The following USP54 variants were observed in gnomAD, a reference collection of about 807,000 sequenced individuals.
USP54 encodes ubiquitin specific peptidase 54, also known as ubiquitin carboxyl-terminal hydrolase 54.
A neutral mutation model predicts 170.5 loss-of-function variants in USP54; 87 were observed. The observed-to-expected ratio is 0.51, with a 90% confidence interval of 0.43 to 0.61. USP54 has a LOEUF of 0.61. Among genes scored for constraint, USP54 ranks in the 20% least tolerant of loss-of-function variants. The pLI is 0.00. For synonymous variants in USP54, 655 were observed against 742.8 expected, an observed-to-expected ratio of 0.88 and a Z score of 1.92; for missense variants, 1,786 against 2,047.8, an observed-to-expected ratio of 0.87 and a Z score of 2.47.
At chr10:73,592,791 G>C (rs1165299494), upstream of USP54, among the ~76,000 whole-genome samples, 3 of 152,154 alleles carry the variant, frequency 2.0e-5, no homozygotes, top group African/African-American at 7.2e-5. Context: ...TCTCATCCAG[G>C]TAAGGGAAGT....
intron 20 of USP54, 28 bp downstream of exon 20, chr10:73,516,347 T>A: frequency 1.9e-5 from 29 of 1,517,264 alleles, no homozygotes; most frequent in African/African-American, 2.8e-5. Flanking sequence ...TCCTCCCCCC[T>A]CCCCCCAACC....
chr10:73,564,119 A>C (rs2073761181), intron 4 of USP54, among the ~76,000 whole-genome samples: 1 of 152,080 alleles, frequency 6.6e-6, no homozygotes, highest in Admixed American at 6.6e-5. Flanking sequence ...CTCCTGCCTC[A>C]GCCTCCCAAG....
At position 73,519,966 on chromosome 10, in the gene USP54, C is replaced by T; in HGVS notation, c.2509G>A (p.Ala837Thr). 6.2e-7 allele frequency: 1 copy of T among 1,611,412 alleles called. No individual in the cohort carries two copies. The highest frequency in any genetic ancestry group is 8.5e-7 in the Non-Finnish European group (1 of 1,178,796). Reference protein sequence around the residue: ...ISKLRLALHGASCSTHSRALV... With the variant: ...ISKLRLALHGTSCSTHSRALV... ...GCTCTGCTGTGCGTGCTACAGCTGG[C>T]ACCATGCAGGGCAAGTCTTAGTTTA... is the stretch of plus-strand genomic sequence containing the variant. The change falls in exon 19 of 24, where the codon GCC (alanine) becomes ACC (threonine). Residue 837 changes from alanine to threonine, a missense_variant. This residue lies in a region of USP54 where 1,418 missense variants were observed against 1,569.0 expected (regional missense o/e 0.90). Transcript: ENST00000687698.
intron 20 of USP54, chr10:73,506,316 T>G (rs1033905665): frequency 6.6e-6 from 1 of 152,240 alleles, no homozygotes; most frequent in Non-Finnish European, 1.5e-5. Flanking sequence ...TTAGCTTCTC[T>G]CAAATCATTT....
chr10:73,591,425 A>G (rs1039422774), upstream of USP54: 3 of 152,238 alleles, frequency 2.0e-5, no homozygotes, highest in Non-Finnish European at 4.4e-5. Context: ...AGCTAGCAAC[A>G]ATGAGAAACT....
rs201061061 is a variant in USP54 at position 73,614,741 on chromosome 10, TATAAAG to T, written c.-18+10820_-18+10825del. 2.7e-5 allele frequency among the ~76,000 whole-genome samples: 4 copies of T among 149,824 alleles called. No homozygotes were observed. In the East Asian group the frequency reaches 5.8e-4, roughly 22 times the overall value. On this transcript the variant is annotated intron_variant, in intron 1 of 22. Coordinates refer to the USP54 transcript ENST00000339859. ...GAGAAAAAGAGTACCTCCAAAAACA[TATAAAG>T]ATAAATTCCAAATCAGTTAAAGAGT... is the stretch of plus-strand genomic sequence containing the variant.
rs766382599 is a variant in USP54 at position 73,498,661 on chromosome 10, T to TGATCTGCTCTCTTCTGGGAG, written c.5003_5022dup (p.Arg1675LeufsTer32). 3 of 1,572,622 alleles carry TGATCTGCTCTCTTCTGGGAG rather than the reference T, an allele frequency of 1.9e-6. No individual in the cohort carries two copies. Among genetic ancestry groups the TGATCTGCTCTCTTCTGGGAG allele is most frequent in the Admixed American group, 1.8e-5 (1 of 54,234 alleles). On this transcript the variant is annotated frameshift_variant, in exon 24 of 24. Transcript: ENST00000687698. LOFTEE classifies it high-confidence loss of function. ...TGACTGTGCTGCAGGACTCTAGCCCTGATCTGCTCTCTTCTGGGAGCATCT... is the reference window on the plus strand; with the variant it reads ...TGACTGTGCTGCAGGACTCTAGCCCTGATCTGCTCTCTTCTGGGAGGATCTGCTCTCTTCTGGGAGCATCT...
rs11000714 is a variant in USP54, at chr10:73,573,592, C to T, written c.147+1920G>A. ...CAGCCCAGCCAACATGGCGAAACCC[C>T]GTCTCTACTAAAAGTACAAAAATTA... On this transcript the variant is annotated intron_variant, in intron 3 of 23. Coordinates refer to ENST00000687698, the MANE Select transcript of USP54 (RefSeq NM_001391956.1). Among the ~76,000 whole-genome samples the T allele has an allele frequency of 7.0e-3, 1,062 of 152,188 alleles. 15 individuals carry two copies. Among genetic ancestry groups the T allele is most frequent in the African/African-American group, 0.024 (1,007 of 41,520 alleles).
At chr10:73,567,088 AG>A (rs1482469091) in intron 4 of USP54, among the ~76,000 whole-genome samples, 1 of 151,786 alleles carries the variant, frequency 6.6e-6, no homozygotes, top group Non-Finnish European at 1.5e-5. Context: ...CATCTTGGCC[AG>A]GCTGGTCTTG....
chr10:73,504,104 A>G (rs778156079), intron 22 of USP54: 4 of 152,232 alleles, frequency 2.6e-5, no homozygotes, highest in Non-Finnish European at 5.9e-5. Context: ...CTTGGTTTTC[A>G]CCATATATGC....
At position 73,532,112 on chromosome 10, in the gene USP54, G is replaced by C. The variant is rs16930678; in HGVS notation, c.1316-1277C>G. Among the ~76,000 whole-genome samples the C allele has an allele frequency of 1.8e-3, 277 of 152,034 alleles. 1 individual carries two copies. The highest frequency in any genetic ancestry group is 5.9e-3 in the African/African-American group (244 of 41,480). ...AATCTTGTATTGCTTTTATTTGGTC[G>C]TTTGCTACCTCTGTGCCCACAAGAA... On this transcript the variant is annotated intron_variant, in intron 12 of 23. Transcript: ENST00000687698.
intron 1 of USP54, among the ~76,000 whole-genome samples, chr10:73,586,432 C>T (rs2077491227): frequency 6.6e-6 from 1 of 152,192 alleles, no homozygotes; most frequent in Admixed American, 6.5e-5. Flanking sequence ...TTACAATACT[C>T]ACATTCTCCC....
At chr10:73,511,782 A>C (rs960823342) in intron 20 of USP54, among the ~76,000 whole-genome samples, 18 of 150,048 alleles carry the variant, frequency 1.2e-4, no homozygotes, top group African/African-American at 3.4e-4. Flanking sequence ...CACTCTTGTC[A>C]CCCAGGCTGG....
chr10:73,550,888 C>T (rs989446256), intron 4 of USP54, among the ~76,000 whole-genome samples: 6 of 152,184 alleles, frequency 3.9e-5, no homozygotes, highest in Admixed American at 1.3e-4. Context: ...GGGCGGATCA[C>T]GAGGTCAGGA....
At chr10:73,554,253 C>A (rs1249219603) in intron 4 of USP54, among the ~76,000 whole-genome samples, 2 of 152,198 alleles carry the variant, frequency 1.3e-5, no homozygotes, top group African/African-American at 4.8e-5. Context: ...CCCACTTCAT[C>A]CCTGCAATAC....
intron 1 of USP54, among the ~76,000 whole-genome samples, chr10:73,609,883 G>A (rs1290485979): frequency 1.4e-5 from 2 of 147,938 alleles, no homozygotes; most frequent in African/African-American, 2.5e-5. Flanking sequence ...GGTGGCGTGC[G>A]CCTGTAATCC....
chr10:73,574,333 G>A (rs934841011), intron 3 of USP54, among the ~76,000 whole-genome samples: 2 of 151,690 alleles, frequency 1.3e-5, no homozygotes, highest in African/African-American at 4.9e-5. Context: ...AAAGAGAGGA[G>A]ATAAGTTGGA....
At chr10:73,540,394 C>T (rs1346713699) in intron 9 of USP54, among the ~76,000 whole-genome samples, 3 of 151,864 alleles carry the variant, frequency 2.0e-5, no homozygotes, top group Non-Finnish European at 4.4e-5. Context: ...CATGGTGAAA[C>T]TCCGTGTCTA....
chr10:73,550,024 A>G (rs2068852933), intron 4 of USP54, among the ~76,000 whole-genome samples: 1 of 152,110 alleles, frequency 6.6e-6, no homozygotes. Flanking sequence ...CCCAGGTTCA[A>G]GCGATTCTGC....
Sources: allele counts gnomAD v4.1 joint callset (sites outside exome capture counted in the v4.1 genomes callset), GRCh38; gene constraint gnomAD v4.1.1; regional missense constraint gnomAD v4.1.1; transcripts MANE v1.5; gene names NCBI Gene and HGNC (gene_info 2026-07-23, HGNC 2026-07-21).